The following COL6A3 variants were observed in gnomAD, a reference collection of about 807,000 sequenced individuals.
COL6A3 encodes collagen type VI alpha 3 chain.
In COL6A3, 137 loss-of-function variants were observed where a neutral mutation model predicts 274.1. That is an observed-to-expected ratio of 0.50 (90% CI 0.44 to 0.58). The LOEUF (loss-of-function observed/expected upper bound fraction) is 0.58, where lower values mean the gene tolerates loss of function less well. Among genes scored for constraint, COL6A3 ranks in the 20% least tolerant of loss-of-function variants. The probability of loss-of-function intolerance (pLI) is 0.00; values close to 1 mark genes in which losing one functional copy is unlikely to be tolerated. For missense variants in COL6A3, 3,950 were observed against 4,124.9 expected, an observed-to-expected ratio of 0.96 and a Z score of 1.16; for synonymous variants, 1,650 against 1,650.6, an observed-to-expected ratio of 1.00 and a Z score of 0.01.
chr2:237,338,991 A>G, intron 39 of COL6A3, 24 bp downstream of exon 39: 1 of 1,592,326 alleles, frequency 6.3e-7, no homozygotes, highest in Non-Finnish European at 8.6e-7. Flanking sequence ...TACAATTTTT[A>G]AGACAATAAT....
chr2:237,401,933 C>T (rs959780433), intron 1 of COL6A3, among the ~76,000 whole-genome samples: 1 of 152,132 alleles, frequency 6.6e-6, no homozygotes, highest in African/African-American at 2.4e-5. Flanking sequence ...GATCCTTCCA[C>T]CTTAGCCTTC....
At chr2:237,396,589 C>T (rs1401813970) in intron 2 of COL6A3, 138 bp downstream of exon 2, 8 of 839,768 alleles carry the variant, frequency 9.5e-6, no homozygotes, top group Non-Finnish European at 1.6e-5. Context: ...TAGAACTATC[C>T]TATCTGACTA....
At chr2:237,343,620 T>C (rs1460159844) in intron 36 of COL6A3, 1 of 145,354 alleles carries the variant, frequency 6.9e-6, no homozygotes, top group Non-Finnish European at 1.5e-5. Context: ...AAGCGACACT[T>C]GGCCTCTCCG....
chr2:237,369,436 T>C (rs2077632587), intron 9 of COL6A3, among the ~76,000 whole-genome samples: 1 of 152,270 alleles, frequency 6.6e-6, no homozygotes, highest in Non-Finnish European at 1.5e-5. Context: ...TTTGGCATTG[T>C]GGTCTGGGTT....
rs1477474636 is a variant in COL6A3 at position 237,366,015 on chromosome 2, G to T, written c.5521C>A (p.Leu1841Met). 6.2e-7 allele frequency: 1 copy of T among 1,613,650 alleles called. No homozygotes were observed. The highest frequency in any genetic ancestry group is 1.1e-5 in the South Asian group (1 of 91,080). The change falls in exon 12 of 44, where the codon CTG becomes ATG. Residue 1841 changes from leucine (L) to methionine (M), a missense_variant. Leu to Met is a conservative substitution (Grantham distance 15). This residue lies in a region of COL6A3 where 632 missense variants were observed against 623.4 expected (regional missense o/e 1.01). Transcript: ENST00000295550. The part of the protein sequence containing the change: ...AAKACNLDVI[L>M]GFDGSRDQNV... ...TGGTCTCTAGAACCATCAAACCCCAGAATCACATCCAGATTACAAGCTGGA... is the reference window on the plus strand; with the variant it reads ...TGGTCTCTAGAACCATCAAACCCCATAATCACATCCAGATTACAAGCTGGA...
intron 24 of COL6A3, among the ~76,000 whole-genome samples, chr2:237,354,307 C>T (rs889500745): frequency 2.0e-4 from 29 of 145,532 alleles, no homozygotes; most frequent in Non-Finnish European, 2.4e-4. Flanking sequence ...CATCAGCCAC[C>T]GTCCTGGCCA....
At chr2:237,349,550 T>C (rs1450689260) in intron 28 of COL6A3, among the ~76,000 whole-genome samples, 24 of 152,260 alleles carry the variant, frequency 1.6e-4, no homozygotes, top group African/African-American at 4.3e-4. Context: ...GGTCCTTTTA[T>C]ACAGTGTTAG....
chr2:237,365,802 C>T lies in COL6A3; in HGVS notation c.5734G>A (p.Glu1912Lys), dbSNP rs113251155. The change falls in exon 12 of 44, where the codon GAG (glutamate) becomes AAG (lysine). Residue 1912 changes from glutamate to lysine, a missense_variant. Physicochemically the swap from Glu to Lys is moderately conservative, Grantham distance 56 (BLOSUM62 1). Transcript: ENST00000295550. Reference sequence around the variant, plus strand: ...TGGCTGCGCATGTTCCGGAACTTCTCGAGCATCTCTGGCTGGTACTCGTCA... The same window carrying T: ...TGGCTGCGCATGTTCCGGAACTTCTTGAGCATCTCTGGCTGGTACTCGTCA... ...DFDEYQPEML[E>K]KFRNMRSQHP... 94 of 1,614,072 alleles carry T rather than the reference C, an allele frequency of 5.8e-5. No homozygotes were observed. The highest frequency in any genetic ancestry group is 6.9e-5 in the Non-Finnish European group (82 of 1,180,052).
intron 20 of COL6A3, among the ~76,000 whole-genome samples, 169 bp from the exon 21 acceptor site, chr2:237,358,752 TC>T (rs2077372404): frequency 6.6e-6 from 1 of 152,238 alleles, no homozygotes; most frequent in African/African-American, 2.4e-5. Flanking sequence ...GTTTAGTAAA[TC>T]CATGAATATT....
Position 237,344,434 on chromosome 2 carries a change from C to A in COL6A3, c.7584G>T (p.Glu2528Asp), listed in dbSNP as rs1431631518. The part of the protein sequence containing the change: ...TPTRASPQLR[E>D]AVLKLSDAGI... ...CCGCATCTGAGAGCTTGAGCACAGC[C>A]TCTCTGAGCTGTGGGGATGCTCTTG... Residue 2528 changes from glutamate to aspartate, a missense_variant, in exon 36 of 44, where the codon GAG becomes GAT. Around this residue, in one of 5 missense-constraint regions of COL6A3, gnomAD observed 1,284 missense variants for 1,349.7 expected, o/e 0.95. Coordinates refer to ENST00000295550, the MANE Select transcript of COL6A3 (RefSeq NM_004369.4). The surrounding 1 kb of genome is among the most constrained non-coding windows in gnomAD (Gnocchi z 4.8). 2 of 1,614,080 alleles carry A rather than the reference C, an allele frequency of 1.2e-6. No individual in the cohort carries two copies. Among genetic ancestry groups the A allele is most frequent in the African/African-American group, 1.3e-5 (1 of 74,932 alleles).
intron 42 of COL6A3, chr2:237,329,537 G>C (rs767845391): frequency 2.6e-5 from 4 of 152,202 alleles, no homozygotes; most frequent in Non-Finnish European, 5.9e-5. Flanking sequence ...ACAGCCTGGA[G>C]AGGACCATTT....
chr2:237,382,383 C>CAA (rs576844839), intron 4 of COL6A3, among the ~76,000 whole-genome samples: 1 of 139,728 alleles, frequency 7.2e-6, no homozygotes, highest in Non-Finnish European at 1.6e-5. Flanking sequence ...ATTTCATCTC[C>CAA]AAAAAAAAAA....
chr2:237,369,035 C>G lies in COL6A3; in HGVS notation c.4428G>C (p.Gly1476=). 6.2e-7 allele frequency: 1 copy of G among 1,614,170 alleles called. No individual in the cohort carries two copies. The highest frequency in any genetic ancestry group is 1.1e-5 in the South Asian group (1 of 91,086). The change falls in exon 10 of 44, where the codon GGG becomes GGC. Residue 1476 remains glycine (G), a synonymous_variant. Coordinates refer to ENST00000295550, the MANE Select transcript of COL6A3 (RefSeq NM_004369.4). ...LNIGPSKVRV[G]VVQFSNDVFP... Reference sequence around the variant, plus strand: ...AGACATCATTGCTGAACTGCACGACCCCAACTCTCACTTTACTGGGGCCGA... The same window carrying G: ...AGACATCATTGCTGAACTGCACGACGCCAACTCTCACTTTACTGGGGCCGA...
intron 42 of COL6A3, among the ~76,000 whole-genome samples, chr2:237,332,117 A>ATATATATATATATGTGTGTG (rs35490728): frequency 3.1e-5 from 2 of 64,170 alleles, no homozygotes; most frequent in African/African-American, 9.6e-5. Context: ...ATATATATAT[A>ATATATATATATATGTGTGTG]TGAAAAGAAA....
intron 40 of COL6A3, among the ~76,000 whole-genome samples, chr2:237,335,563 C>T (rs1410407430): frequency 2.0e-5 from 3 of 152,174 alleles, no homozygotes; most frequent in Admixed American, 1.3e-4. Context: ...ACTGATGGTC[C>T]AGGCTCTGAC....
chr2:237,392,347 C>T (rs1315213616), intron 3 of COL6A3, among the ~76,000 whole-genome samples: 1 of 152,258 alleles, frequency 6.6e-6, no homozygotes, highest in Non-Finnish European at 1.5e-5. Flanking sequence ...AAACTGACAT[C>T]TGGTACTGCT....
At position 237,344,131 on chromosome 2, in the gene COL6A3, C is replaced by A; in HGVS notation, c.7668+219G>T. 2.9e-6 allele frequency: 2 copies of A among 678,182 alleles called. No individual in the cohort carries two copies. The highest frequency in any genetic ancestry group is 1.7e-5 in the South Asian group (1 of 59,820). The allele number at this position is 678,182 out of a possible 1,614,324, so 42.0% of individuals were successfully genotyped here. On this transcript the variant is annotated intron_variant, in intron 36 of 43. Coordinates refer to ENST00000295550, the MANE Select transcript of COL6A3 (RefSeq NM_004369.4). This position sits in a 1 kb window ranked among gnomAD's most constrained non-coding sequence, Gnocchi z 4.8. ...AGAGCTGTCAACATGTGAGGAGGGA[C>A]CTGGGGGCAGTGCTACAAGCATGTA... is the stretch of plus-strand genomic sequence containing the variant.
Position 237,369,001 on chromosome 2 carries a change from A to T in COL6A3, c.4462T>A (p.Phe1488Ile). 1 of 1,614,200 alleles carries T rather than the reference A, an allele frequency of 6.2e-7. No homozygotes were observed. Among genetic ancestry groups the T allele is most frequent in the Non-Finnish European group, 8.5e-7 (1 of 1,180,036 alleles). ...VQFSNDVFPE[F>I]YLKTYRSQAP... is the part of the protein sequence containing the mutation. ...TGGGATCTGTAGGTTTTCAGATAGA[A>T]TTCTGGGAAGACATCATTGCTGAAC... Residue 1488 changes from phenylalanine (F) to isoleucine (I), a missense_variant, in exon 10 of 44, where the codon TTC becomes ATC. Coordinates refer to ENST00000295550, the MANE Select transcript of COL6A3 (RefSeq NM_004369.4).
At chr2:237,334,275 C>T (rs533333568) in intron 41 of COL6A3, among the ~76,000 whole-genome samples, 7 of 152,278 alleles carry the variant, frequency 4.6e-5, no homozygotes, top group South Asian at 2.1e-4. Flanking sequence ...GAAACCTGGA[C>T]GGGGTGGTGG....
Sources: allele counts gnomAD v4.1 joint callset (sites outside exome capture counted in the v4.1 genomes callset), GRCh38; gene constraint gnomAD v4.1.1; regional missense constraint gnomAD v4.1.1; non-coding constraint Gnocchi (gnomAD v3.1); transcripts MANE v1.5; gene names NCBI Gene and HGNC (gene_info 2026-07-23, HGNC 2026-07-21).